Variants in DLEU7 observed in about 807,000 individuals in gnomAD.
DLEU7 encodes leukemia-associated protein 7.
Under a neutral mutation model 16.0 loss-of-function variants are expected in DLEU7, and 17 were observed. That is an observed-to-expected ratio of 1.06 (90% confidence interval 0.73 to 1.59). The LOEUF is 1.59. Ranked by LOEUF, DLEU7 falls within the 40% of genes most tolerant of loss-of-function variation. DLEU7 has a pLI of 0.00. For synonymous variants in DLEU7, 113 were observed against 139.8 expected, an observed-to-expected ratio of 0.81 and a Z score of 1.35; for missense variants, 308 against 314.9, an observed-to-expected ratio of 0.98 and a Z score of 0.17.
At chr13:50,806,716 A>G (rs948651211) in intron 1 of DLEU7, among the ~76,000 whole-genome samples, 1 of 152,152 alleles carries the variant, frequency 6.6e-6, no homozygotes, top group South Asian at 2.1e-4. Flanking sequence ...TTAAAATTTA[A>G]CCAAAATTAT....
chr13:50,838,235 G>A (rs995925878), intron 1 of DLEU7, among the ~76,000 whole-genome samples: 2 of 152,180 alleles, frequency 1.3e-5, no homozygotes, highest in African/African-American at 4.8e-5. Context: ...CAAACATGAG[G>A]GAATAATTGG....
At chr13:50,782,774 GAA>G (rs57072824) in intron 1 of DLEU7, among the ~76,000 whole-genome samples, 8,254 of 130,132 alleles carry the variant, frequency 0.063, 714 homozygotes, top group African/African-American at 0.21. Flanking sequence ...ACTGTCTACA[GAA>G]AAAAAAAAAA....
chr13:50,822,798 C>T, downstream of DLEU7: 2 of 985,756 alleles, frequency 2.0e-6, no homozygotes, highest in South Asian at 4.7e-5. Context: ...GATTGAAGCT[C>T]ATAATTACTG....
chr13:50,790,135 G>A (rs1001856932), intron 1 of DLEU7, among the ~76,000 whole-genome samples: 30 of 151,914 alleles, frequency 2.0e-4, no homozygotes, highest in African/African-American at 7.0e-4. Context: ...ATTTCACTAT[G>A]TTGGTCAGGC....
intron 1 of DLEU7, among the ~76,000 whole-genome samples, chr13:50,775,036 A>G (rs566396306): frequency 6.6e-6 from 1 of 151,996 alleles, no homozygotes; most frequent in Non-Finnish European, 1.5e-5. Flanking sequence ...TATCGTAACT[A>G]TATTAATTTT....
At chr13:50,827,808 C>T (rs2137806132) in intron 1 of DLEU7, among the ~76,000 whole-genome samples, 1 of 152,188 alleles carries the variant, frequency 6.6e-6, no homozygotes, top group Non-Finnish European at 1.5e-5. Context: ...TAAGCCTACA[C>T]ATATCAGAAA....
At chr13:50,773,070 C>T (rs1875373434) in intron 1 of DLEU7, among the ~76,000 whole-genome samples, 2 of 152,160 alleles carry the variant, frequency 1.3e-5, no homozygotes, top group African/African-American at 4.8e-5. Flanking sequence ...GATACTGAAA[C>T]TTGTGCATGC....
At chr13:50,843,740 C>A (rs1877774563), upstream of DLEU7, 1 of 1,439,924 alleles carries the variant, frequency 6.9e-7, no homozygotes, top group Non-Finnish European at 9.1e-7. This position sits in a 1 kb window ranked among gnomAD's most constrained non-coding sequence, Gnocchi z 5.7. Flanking sequence ...CATTTTCTAA[C>A]CCGCGGCTCC....
intron 1 of DLEU7, among the ~76,000 whole-genome samples, chr13:50,758,933 A>C (rs1350316357): frequency 1.3e-5 from 2 of 152,236 alleles, no homozygotes; most frequent in Admixed American, 6.5e-5. Context: ...AGAAGGAAGC[A>C]AGGATAATTG....
At chr13:50,727,466 A>C (rs1322108923) in intron 1 of DLEU7, among the ~76,000 whole-genome samples, 3 of 152,150 alleles carry the variant, frequency 2.0e-5, no homozygotes, top group African/African-American at 7.2e-5. Context: ...TCATATTTGC[A>C]TGCAATCACA....
chr13:50,729,845 G>A (rs1873869033), intron 1 of DLEU7, among the ~76,000 whole-genome samples: 1 of 152,034 alleles, frequency 6.6e-6, no homozygotes. Flanking sequence ...CTTTTGAAAA[G>A]TGTCTGTTCA....
intron 1 of DLEU7, among the ~76,000 whole-genome samples, chr13:50,837,454 C>T (rs1436785366): frequency 6.6e-6 from 1 of 152,128 alleles, no homozygotes. Flanking sequence ...TAAGAAATTG[C>T]AAAGCTATAC....
downstream of DLEU7, among the ~76,000 whole-genome samples, chr13:50,821,626 G>A (rs920259011): frequency 1.3e-5 from 2 of 152,018 alleles, no homozygotes; most frequent in African/African-American, 4.8e-5. Flanking sequence ...AGATCTTGAA[G>A]GATGAATAGG....
At chr13:50,742,644 A>G (rs1037928994) in intron 1 of DLEU7, among the ~76,000 whole-genome samples, 3 of 152,136 alleles carry the variant, frequency 2.0e-5, no homozygotes, top group Non-Finnish European at 2.9e-5. Flanking sequence ...GCAAATACTG[A>G]TGAGGTGGAT....
At chr13:50,821,795 C>G (rs1876914228), downstream of DLEU7, among the ~76,000 whole-genome samples, 1 of 151,878 alleles carries the variant, frequency 6.6e-6, no homozygotes, top group Non-Finnish European at 1.5e-5. Flanking sequence ...GGGTAGGCAG[C>G]ATATAAATAA....
chr13:50,825,311 T>C (rs1288122370), intron 1 of DLEU7, among the ~76,000 whole-genome samples: 2 of 152,180 alleles, frequency 1.3e-5, no homozygotes, highest in Non-Finnish European at 2.9e-5. Context: ...TCATAATAAA[T>C]TGAAGGTGAA....
chr13:50,729,340 T>G (rs567386396), intron 1 of DLEU7, among the ~76,000 whole-genome samples: 4 of 152,218 alleles, frequency 2.6e-5, no homozygotes, highest in African/African-American at 9.6e-5. Context: ...GCTCCATGCA[T>G]GTTGCTGCAA....
At chr13:50,761,781 TCAAAAA>T in intron 1 of DLEU7, among the ~76,000 whole-genome samples, 1 of 152,204 alleles carries the variant, frequency 6.6e-6, no homozygotes, top group Admixed American at 6.5e-5. Context: ...CAAGTCTAAA[TCAAAAA>T]GTATTCAATT....
intron 1 of DLEU7, among the ~76,000 whole-genome samples, chr13:50,714,091 A>G (rs1256165973): frequency 6.6e-6 from 1 of 152,216 alleles, no homozygotes; most frequent in African/African-American, 2.4e-5. Context: ...TATTGCACAT[A>G]CTCAAGCTAT....
Sources: allele counts gnomAD v4.1 joint callset (sites outside exome capture counted in the v4.1 genomes callset), GRCh38; gene constraint gnomAD v4.1.1; non-coding constraint Gnocchi (gnomAD v3.1); transcripts MANE v1.5; gene names NCBI Gene and HGNC (gene_info 2026-07-23, HGNC 2026-07-21).